Variants in PCDHGA10 observed in about 807,000 individuals in gnomAD.
PCDHGA10 encodes the protein protocadherin gamma-A10.
In PCDHGA10, 42 loss-of-function variants were observed where a neutral mutation model predicts 59.5. The ratio of observed to expected loss-of-function variants is 0.71; its 90% CI spans 0.55 to 0.91. The LOEUF (loss-of-function observed/expected upper bound fraction) is 0.91. Ranked by LOEUF, PCDHGA10 falls within the 40% of genes least tolerant of loss-of-function variation. The pLI is 0.00. For missense variants in PCDHGA10, 1,111 were observed against 1,198.2 expected, an observed-to-expected ratio of 0.93 and a Z score of 1.07; for synonymous variants, 511 against 517.2, an observed-to-expected ratio of 0.99 and a Z score of 0.16.
chr5:141,484,004 G>C (rs1042457090), intron 1 of PCDHGA10, among the ~76,000 whole-genome samples: 5 of 146,164 alleles, frequency 3.4e-5, no homozygotes, highest in Non-Finnish European at 4.5e-5. Flanking sequence ...AGGTCTGGAT[G>C]AGGGTGGGGG....
intron 1 of PCDHGA10, among the ~76,000 whole-genome samples, chr5:141,437,623 T>G (rs887878119): frequency 3.3e-5 from 5 of 152,172 alleles, no homozygotes; most frequent in Non-Finnish European, 7.4e-5. Context: ...TATCCCCATA[T>G]AAGATGTCAG....
intron 1 of PCDHGA10, among the ~76,000 whole-genome samples, chr5:141,456,944 C>G (rs1172050038): frequency 6.6e-6 from 1 of 152,138 alleles, no homozygotes; most frequent in Non-Finnish European, 1.5e-5. Context: ...GCCTGGGCAA[C>G]AGAGCAAAAC....
Position 141,415,129 on chromosome 5 carries a change from G to C in PCDHGA10, c.1954G>C (p.Asp652His). ...LKQSLVVAVQDHGQPPLSATV... is the reference protein window; with the variant it reads ...LKQSLVVAVQHHGQPPLSATV... ...GCAAAGCCTCGTAGTGGCCGTCCAG[G>C]ACCACGGCCAGCCCCCTCTCTCCGC... The change falls in exon 1 of 4, where the codon GAC (aspartate) becomes CAC (histidine). Residue 652 changes from aspartate (D) to histidine (H), a missense_variant. Transcript: ENST00000398610. The C allele has an allele frequency of 6.2e-7, 1 of 1,613,656 alleles. No homozygotes were observed. The highest frequency in any genetic ancestry group is 1.3e-5 in the African/African-American group (1 of 75,066).
intron 1 of PCDHGA10, among the ~76,000 whole-genome samples, chr5:141,433,465 C>T (rs1386201581): frequency 6.6e-6 from 1 of 152,060 alleles, no homozygotes; most frequent in Non-Finnish European, 1.5e-5. Context: ...GAAACTTGGG[C>T]TCAGGCTAGC....
intron 1 of PCDHGA10, chr5:141,417,612 T>C: frequency 1.6e-6 from 1 of 617,852 alleles, no homozygotes; most frequent in Non-Finnish European, 2.6e-6. Flanking sequence ...CGTCGGCCAG[T>C]GCAGAGCAAG....
intron 1 of PCDHGA10, among the ~76,000 whole-genome samples, chr5:141,472,980 C>CAAAAAAAAAAAAAAAA (rs60579131): frequency 2.8e-4 from 24 of 86,024 alleles, no homozygotes; most frequent in East Asian, 1.2e-3. Context: ...GAGTGAAACT[C>CAAAAAAAAAAAAAAAA]AAAAAAAAAA....
At chr5:141,425,987 G>A (rs1304785231) in intron 1 of PCDHGA10, among the ~76,000 whole-genome samples, 1 of 152,188 alleles carries the variant, frequency 6.6e-6, no homozygotes, top group Non-Finnish European at 1.5e-5. Flanking sequence ...GAATCCCATT[G>A]AATTAGCAAA....
At position 141,447,667 on chromosome 5, in the gene PCDHGA10, G is replaced by A. The variant is rs115529144; in HGVS notation, c.2436+32056G>A. 2.4e-3 allele frequency among the ~76,000 whole-genome samples: 372 copies of A among 152,278 alleles called. 2 individuals are homozygous for A. Among genetic ancestry groups the A allele is most frequent in the African/African-American group, 8.6e-3 (358 of 41,546 alleles). The stretch of plus-strand genomic sequence containing the variant: ...TAGAATTTTCCCCCCCAGGAAGTTA[G>A]AACTGTTCCATATCTTGATAGAGGG... On this transcript the variant is annotated intron_variant, in intron 1 of 3. Transcript: ENST00000398610.
At chr5:141,418,898 A>G (rs768409383) in intron 1 of PCDHGA10, 2 of 1,614,016 alleles carry the variant, frequency 1.2e-6, no homozygotes, top group South Asian at 2.2e-5. Flanking sequence ...CAGCCCAGAA[A>G]TAATCATCAC....
rs2097536640 is a variant in PCDHGA10 at position 141,432,779 on chromosome 5, G to C, written c.2436+17168G>C. 3 of 1,614,170 alleles carry C rather than the reference G, an allele frequency of 1.9e-6. No individual in the cohort carries two copies. The highest frequency in any genetic ancestry group is 2.5e-6 in the Non-Finnish European group (3 of 1,180,002). On this transcript the variant is annotated intron_variant, in intron 1 of 3. Coordinates refer to ENST00000398610, the MANE Select transcript of PCDHGA10 (RefSeq NM_018913.3). The surrounding 1 kb of genome is among the most constrained non-coding windows in gnomAD (Gnocchi z 6.0). Reference sequence around the variant, plus strand: ...CGACAGCATCCCCCAAGTCCTGGCGGACCTCGGCAGCCTCGAGTCTCCAGC... The same window carrying C: ...CGACAGCATCCCCCAAGTCCTGGCGCACCTCGGCAGCCTCGAGTCTCCAGC...
intron 1 of PCDHGA10, among the ~76,000 whole-genome samples, chr5:141,437,034 C>T (rs1282216386): frequency 1.3e-5 from 2 of 152,194 alleles, no homozygotes. Context: ...AAATGGATCA[C>T]CGAAACCAGA....
intron 1 of PCDHGA10, among the ~76,000 whole-genome samples, chr5:141,466,292 T>C (rs1050311680): frequency 3.3e-5 from 5 of 152,134 alleles, no homozygotes; most frequent in Non-Finnish European, 5.9e-5. Context: ...CACCTCAGGC[T>C]CCCAAGTAGC....
chr5:141,420,176 C>CA (rs1162032152), intron 1 of PCDHGA10: 5 of 1,613,874 alleles, frequency 3.1e-6, no homozygotes, highest in Non-Finnish European at 4.2e-6. Flanking sequence ...ATCTGTTGAT[C>CA]ATTGTCCAGC....
intron 1 of PCDHGA10, chr5:141,419,926 G>C (rs1371764532): frequency 7.4e-6 from 12 of 1,613,978 alleles, no homozygotes; most frequent in Non-Finnish European, 8.5e-6. Flanking sequence ...CTGAGATGCA[G>C]TTTTACCTGG....
rs1591273286 is a variant in PCDHGA10, at chr5:141,433,311, T to A, written c.2436+17700T>A. 11 of 870,402 alleles carry A rather than the reference T, an allele frequency of 1.3e-5. No individual in the cohort carries two copies. The East Asian group carries it at 2.9e-4, about 23-fold the overall frequency. 53.9% of individuals were successfully genotyped at this position (870,402 alleles called of 1,614,324 possible). A position where few individuals can be genotyped will look rare whatever the true frequency, so the allele number is the denominator to read the frequency against. On this transcript the variant is annotated intron_variant, in intron 1 of 3. Coordinates refer to ENST00000398610, the MANE Select transcript of PCDHGA10 (RefSeq NM_018913.3). Reference sequence around the variant, plus strand: ...TAGGCTCAAGCAATTATCCCACCTTTGCCTCCGGTGTAACAGGGACTACAG... The same window carrying A: ...TAGGCTCAAGCAATTATCCCACCTTAGCCTCCGGTGTAACAGGGACTACAG...
intron 1 of PCDHGA10, among the ~76,000 whole-genome samples, chr5:141,456,940 G>A (rs1284610928): frequency 6.6e-6 from 1 of 152,138 alleles, no homozygotes; most frequent in Non-Finnish European, 1.5e-5. Context: ...TCCAGCCTGG[G>A]CAACAGAGCA....
chr5:141,485,387 C>T lies in PCDHGA10; in HGVS notation c.2437-9420C>T. The T allele has an allele frequency of 6.2e-7, 1 of 1,614,078 alleles. No homozygotes were observed. Among genetic ancestry groups the T allele is most frequent in the Non-Finnish European group, 8.5e-7 (1 of 1,179,994 alleles). On this transcript the variant is annotated intron_variant, in intron 1 of 3. Coordinates refer to ENST00000398610, the MANE Select transcript of PCDHGA10 (RefSeq NM_018913.3). This position sits in a 1 kb window ranked among gnomAD's most constrained non-coding sequence, Gnocchi z 5.7. ...GCTGCAGGTCGCTGGAGAGGTGAAC[C>T]AAAGACACTTCCGTGTGGATTTGGA...
chr5:141,459,139 A>G (rs1592605909), intron 1 of PCDHGA10, among the ~76,000 whole-genome samples: 1 of 152,360 alleles, frequency 6.6e-6, no homozygotes, highest in Non-Finnish European at 1.5e-5. Flanking sequence ...ACCACCATGC[A>G]ATCAAAATAT....
intron 1 of PCDHGA10, chr5:141,428,035 A>C (rs776717344): frequency 6.2e-7 from 1 of 1,607,926 alleles, no homozygotes; most frequent in Non-Finnish European, 8.5e-7. Context: ...GAGTCCGGCT[A>C]CCTGGTGACC....
Sources: gnomAD v4.1 joint callset for allele counts (sites outside exome capture counted in the v4.1 genomes callset) on GRCh38, gnomAD v4.1.1 for gene constraint, Gnocchi (gnomAD v3.1) non-coding constraint, MANE v1.5 for transcripts, NCBI Gene and HGNC (gene_info 2026-07-23, HGNC 2026-07-21) for gene names.